The following POLI variants were observed in gnomAD, a reference collection of about 807,000 sequenced individuals.
POLI encodes DNA polymerase iota, also known as RAD30 homolog B.
POLI carries 58 observed loss-of-function variants against 51.6 expected under a neutral mutation model. That is an observed-to-expected ratio of 1.12 (90% confidence interval 0.91 to 1.40). POLI has a LOEUF of 1.40. Ranked by LOEUF, POLI falls within the 40% of genes most tolerant of loss-of-function variation. The pLI is 0.00. For missense variants in POLI, 921 were observed against 871.3 expected (o/e 1.06, Z -0.72); for synonymous variants, 322 against 299.7 (o/e 1.07, Z -0.77).
At chr18:54,292,834 T>C (rs983852040) in intron 9 of POLI, among the ~76,000 whole-genome samples, 2 of 152,088 alleles carry the variant, frequency 1.3e-5, no homozygotes, top group Non-Finnish European at 2.9e-5. Context: ...ATTTATTAAA[T>C]TTAAAAAAGT....
intron 3 of POLI, among the ~76,000 whole-genome samples, chr18:54,313,495 A>G (rs2088696048): frequency 6.6e-6 from 1 of 152,098 alleles, no homozygotes; most frequent in Admixed American, 6.6e-5. Flanking sequence ...GTGAAAAATG[A>G]CATTGGTAGT....
intron 7 of POLI, among the ~76,000 whole-genome samples, chr18:54,286,290 C>T (rs1309217419): frequency 6.6e-6 from 1 of 152,070 alleles, no homozygotes; most frequent in East Asian, 1.9e-4. Context: ...AAATGTTATC[C>T]TTTAATGACA....
chr18:54,296,697 C>A lies in POLI; in HGVS notation c.*2230C>A. 1 of 180,854 alleles carries A rather than the reference C, an allele frequency of 5.5e-6. No individual in the cohort carries two copies. Among genetic ancestry groups the A allele is most frequent in the Non-Finnish European group, 1.1e-5 (1 of 94,574 alleles). The allele number at this position is 180,854 out of a possible 1,614,324, so 11.2% of individuals were successfully genotyped here. A position where few individuals can be genotyped will look rare whatever the true frequency, so the allele number is the denominator to read the frequency against. On this transcript the variant is annotated 3_prime_UTR_variant, in exon 10 of 10. Transcript: ENST00000579534. ...TTTACTGCATTTTGGGTAATTTCAT[C>A]AGCTCTATCTTTCTGTTTACTAGTT...
At chr18:54,273,769 T>C (rs2087114929) in intron 2 of POLI, among the ~76,000 whole-genome samples, 157 bp from the exon 3 acceptor site, 1 of 152,162 alleles carries the variant, frequency 6.6e-6, no homozygotes, top group Non-Finnish European at 1.5e-5. Context: ...TATAGAGATT[T>C]GATATATGGA....
chr18:54,281,010 GT>G, intron 5 of POLI, 107 bp downstream of exon 5: 1 of 649,732 alleles, frequency 1.5e-6, no homozygotes, highest in Non-Finnish European at 2.6e-6. Flanking sequence ...TTGTCTGTGA[GT>G]TTGTGTGCAT....
In POLI at chr18:54,269,528, T is replaced by C. The variant is rs2086898216; in HGVS notation, c.-19T>C. On this transcript the variant is annotated 5_prime_UTR_variant, in exon 1 of 10. Coordinates refer to ENST00000579534, the MANE Select transcript of POLI (RefSeq NM_007195.3). ...AGGCGGAAGCGGCCGGAAGTAGCGCTGCGGTTGGCAGCGGCGGGATGGAGA... is the reference window on the plus strand; with the variant it reads ...AGGCGGAAGCGGCCGGAAGTAGCGCCGCGGTTGGCAGCGGCGGGATGGAGA... The C allele has an allele frequency of 7.3e-6, 11 of 1,507,594 alleles. No homozygotes were observed. The highest frequency in any genetic ancestry group is 9.7e-6 in the Non-Finnish European group (11 of 1,132,218). 93.4% of individuals were successfully genotyped at this position (1,507,594 alleles called of 1,614,324 possible). A position where few individuals can be genotyped will look rare whatever the true frequency, so the allele number is the denominator to read the frequency against.
At chr18:54,316,656 G>C (rs903021466) in intron 3 of POLI, among the ~76,000 whole-genome samples, 6 of 152,156 alleles carry the variant, frequency 3.9e-5, no homozygotes, top group African/African-American at 1.4e-4. Flanking sequence ...TGGTATTTAG[G>C]CTTTTGGGCA....
intron 3 of POLI, among the ~76,000 whole-genome samples, chr18:54,308,692 A>G (rs2088626728): frequency 6.6e-6 from 1 of 152,134 alleles, no homozygotes. Flanking sequence ...GCTGGGTTTC[A>G]TTCTCCTCGT....
At position 54,294,571 on chromosome 18, in the gene POLI, G is replaced by A; in HGVS notation, c.*104G>A. 5.8e-6 allele frequency: 8 copies of A among 1,378,778 alleles called. No homozygotes were observed. Among genetic ancestry groups the A allele is most frequent in the South Asian group, 2.0e-5 (1 of 50,628 alleles). 85.4% of individuals were successfully genotyped at this position (1,378,778 alleles called of 1,614,324 possible). Reference sequence around the variant, plus strand: ...TAAACACTAATAGATATTCAATAACGGAGTAAACTGTTCCAGATAAAGCAA... The same window carrying A: ...TAAACACTAATAGATATTCAATAACAGAGTAAACTGTTCCAGATAAAGCAA... On this transcript the variant is annotated 3_prime_UTR_variant, in exon 10 of 10. Transcript: ENST00000579534.
intron 8 of POLI, among the ~76,000 whole-genome samples, chr18:54,288,036 T>A (rs949439023): frequency 3.3e-5 from 5 of 152,248 alleles, no homozygotes; most frequent in African/African-American, 1.2e-4. Flanking sequence ...TATGTTTTCA[T>A]TTATCTTGGG....
At chr18:54,286,001 G>A (rs994837106) in intron 7 of POLI, among the ~76,000 whole-genome samples, 6 of 152,132 alleles carry the variant, frequency 3.9e-5, no homozygotes, top group Non-Finnish European at 8.8e-5. Flanking sequence ...CGCCAGAATA[G>A]CTGGGAAGGC....
At position 54,297,321 on chromosome 18, in the gene POLI, T is replaced by G; in HGVS notation, c.*2854T>G. Reference sequence around the variant, plus strand: ...TTTTTTTTCCTGTTTCTGTCTTGAATGTAGAGGGTATTTTTATTTTTATTT... The same window carrying G: ...TTTTTTTTCCTGTTTCTGTCTTGAAGGTAGAGGGTATTTTTATTTTTATTT... On this transcript the variant is annotated 3_prime_UTR_variant, in exon 10 of 10. Coordinates refer to ENST00000579534, the MANE Select transcript of POLI (RefSeq NM_007195.3). The G allele has an allele frequency of 1.0e-6, 1 of 980,502 alleles. No individual in the cohort carries two copies. The highest frequency in any genetic ancestry group is 4.7e-5 in the South Asian group (1 of 21,184). The allele number at this position is 980,502 out of a possible 1,614,324, so 60.7% of individuals were successfully genotyped here.
rs2088321098 is a variant in POLI at position 54,296,270 on chromosome 18, TAAAAAG to T, written c.*1805_*1810del. Reference sequence around the variant, plus strand: ...ACAAAGTAAATGGTTTTGGCCAGCTTAAAAAGAGAAAGCAAAATAGTTAAAAATACA... The same window carrying T: ...ACAAAGTAAATGGTTTTGGCCAGCTTAGAAAGCAAAATAGTTAAAAATACA... On this transcript the variant is annotated 3_prime_UTR_variant, in exon 10 of 10. Coordinates refer to ENST00000579534, the MANE Select transcript of POLI (RefSeq NM_007195.3). 1.0e-6 allele frequency: 1 copy of T among 985,390 alleles called. No individual in the cohort carries two copies. Among genetic ancestry groups the T allele is most frequent in the Non-Finnish European group, 1.2e-6 (1 of 829,896 alleles). The allele number at this position is 985,390 out of a possible 1,614,324, so 61.0% of individuals were successfully genotyped here. A position where few individuals can be genotyped will look rare whatever the true frequency, so the allele number is the denominator to read the frequency against.
Position 54,295,334 on chromosome 18 carries a change from C to A in POLI, c.*867C>A. 2.0e-6 allele frequency: 2 copies of A among 984,726 alleles called. No homozygotes were observed. Among genetic ancestry groups the A allele is most frequent in the Non-Finnish European group, 2.4e-6 (2 of 829,312 alleles). 61.0% of individuals were successfully genotyped at this position (984,726 alleles called of 1,614,324 possible). On this transcript the variant is annotated 3_prime_UTR_variant, in exon 10 of 10. Transcript: ENST00000579534. ...TTGTCATAACAACCACAAATATAGA[C>A]CATTACTAAATTGGTGGATGTCCTC...
chr18:54,269,695 T>G (rs2086914395), intron 1 of POLI, 34 bp downstream of exon 1: 1 of 1,467,534 alleles, frequency 6.8e-7, no homozygotes. Flanking sequence ...GCGGCCTCCT[T>G]GGGTGTAAAT....
intron 3 of POLI, among the ~76,000 whole-genome samples, chr18:54,274,620 G>A (rs2087158342): frequency 1.3e-5 from 2 of 151,838 alleles, no homozygotes; most frequent in South Asian, 4.2e-4. Flanking sequence ...TAAGGTTTGG[G>A]TTTAAATCTT....
Position 54,295,053 on chromosome 18 carries a change from T to A in POLI, c.*586T>A. 3.0e-6 allele frequency: 3 copies of A among 985,372 alleles called. No homozygotes were observed. The highest frequency in any genetic ancestry group is 3.6e-6 in the Non-Finnish European group (3 of 829,936). 61.0% of individuals were successfully genotyped at this position (985,372 alleles called of 1,614,324 possible). On this transcript the variant is annotated 3_prime_UTR_variant, in exon 10 of 10. Coordinates refer to ENST00000579534, the MANE Select transcript of POLI (RefSeq NM_007195.3). ...GCACACAAAGGCCGTTCAATAAACA[T>A]TGAATGAATGAATGGTTTGGCTAGG...
intron 2 of POLI, among the ~76,000 whole-genome samples, chr18:54,272,812 C>G (rs146304162): frequency 5.7e-4 from 87 of 151,828 alleles, no homozygotes; most frequent in African/African-American, 2.1e-3. Flanking sequence ...ATGTAATGCT[C>G]TATTAAAGGA....
chr18:54,288,391 T>C (rs984234406), intron 8 of POLI, among the ~76,000 whole-genome samples: 1 of 152,188 alleles, frequency 6.6e-6, no homozygotes, highest in Non-Finnish European at 1.5e-5. Flanking sequence ...TTAATTTTTT[T>C]ATGTGTGGTA....
Sources: gnomAD v4.1 joint callset for allele counts (sites outside exome capture counted in the v4.1 genomes callset) on GRCh38, gnomAD v4.1.1 for gene constraint, MANE v1.5 for transcripts, NCBI Gene and HGNC (gene_info 2026-07-23, HGNC 2026-07-21) for gene names.